The following COG5 variants were observed in gnomAD, a reference collection of about 807,000 sequenced individuals.
The protein encoded by COG5 is conserved oligomeric Golgi complex subunit 5.
Under a neutral mutation model 110.4 loss-of-function variants are expected in COG5, and 86 were observed. That is an observed-to-expected ratio of 0.78 (90% CI 0.65 to 0.93). COG5 has a LOEUF of 0.93. Among genes scored for constraint, COG5 ranks in the 40% least tolerant of loss-of-function variants. The pLI is 0.00. For synonymous variants in COG5, 360 were observed against 334.6 expected (o/e 1.08, Z -0.83); for missense variants, 1,077 against 987.0 (o/e 1.09, Z -1.22).
chr7:107,256,898 C>A, intron 15 of COG5, 104 bp from the exon 16 acceptor site: 3 of 753,606 alleles, frequency 4.0e-6, no homozygotes, highest in South Asian at 1.5e-5. Context: ...AGTATATATA[C>A]AATATTATCA....
intron 5 of COG5, among the ~76,000 whole-genome samples, chr7:107,540,985 TA>T (rs1282053923): frequency 6.6e-6 from 1 of 152,020 alleles, no homozygotes; most frequent in East Asian, 1.9e-4. Context: ...ACCCCATCTC[TA>T]CTCAAAATAC....
intron 11 of COG5, among the ~76,000 whole-genome samples, chr7:107,307,412 T>A (rs1189680021): frequency 6.6e-6 from 1 of 152,212 alleles, no homozygotes; most frequent in African/African-American, 2.4e-5. Flanking sequence ...ACTGTTTTTA[T>A]AGGTTTCAAA....
intron 17 of COG5, among the ~76,000 whole-genome samples, chr7:107,239,570 T>C (rs1162243059): frequency 6.6e-6 from 1 of 152,206 alleles, no homozygotes; most frequent in Non-Finnish European, 1.5e-5. Flanking sequence ...CAATATTCTT[T>C]CAATTCATGA....
At chr7:107,288,799 CATTT>C (rs942048044) in intron 12 of COG5, among the ~76,000 whole-genome samples, 47 of 150,682 alleles carry the variant, frequency 3.1e-4, no homozygotes, top group African/African-American at 8.3e-4. Flanking sequence ...TCCAAAATAT[CATTT>C]AAATATAATT....
chr7:107,461,698 G>A (rs1332244840), intron 6 of COG5, among the ~76,000 whole-genome samples: 5 of 152,104 alleles, frequency 3.3e-5, no homozygotes, highest in Non-Finnish European at 7.4e-5. Flanking sequence ...AAATGAGTTT[G>A]GCAAAATCAT....
At chr7:107,345,598 ATTTCAGTT>A (rs1294625690) in intron 10 of COG5, among the ~76,000 whole-genome samples, 2 of 152,146 alleles carry the variant, frequency 1.3e-5, no homozygotes, top group African/African-American at 4.8e-5. Flanking sequence ...TGGATACAGA[ATTTCAGTT>A]TTGTAAGATG....
chr7:107,557,664 A>G (rs1803423389), intron 2 of COG5, among the ~76,000 whole-genome samples: 1 of 152,204 alleles, frequency 6.6e-6, no homozygotes, highest in Admixed American at 6.5e-5. Context: ...ATATTGTTTT[A>G]CTTCCAAAAT....
At chr7:107,238,121 AACTTTGT>A (rs1389902704) in intron 17 of COG5, among the ~76,000 whole-genome samples, 1 of 152,116 alleles carries the variant, frequency 6.6e-6, no homozygotes, top group Admixed American at 6.5e-5. Context: ...TCCTAACTGC[AACTTTGT>A]ACCCTTTGAC....
At chr7:107,462,718 G>A (rs2129102087) in intron 6 of COG5, among the ~76,000 whole-genome samples, 1 of 151,810 alleles carries the variant, frequency 6.6e-6, no homozygotes, top group Non-Finnish European at 1.5e-5. Context: ...CCAAAAACCA[G>A]GACACAATGA....
At chr7:107,283,924 T>A (rs969275960) in intron 12 of COG5, among the ~76,000 whole-genome samples, 192 bp from the exon 13 acceptor site, 1 of 150,924 alleles carries the variant, frequency 6.6e-6, no homozygotes. Context: ...TTCAGGACCA[T>A]AGTAACCTTT....
Position 107,475,447 on chromosome 7 carries a change from A to T in COG5, c.538+51790T>A. 4.7e-6 allele frequency: 3 copies of T among 640,342 alleles called. No homozygotes were observed. In the South Asian group the frequency reaches 7.4e-5, roughly 16 times the overall value. The allele number at this position is 640,342 out of a possible 1,614,324, so 39.7% of individuals were successfully genotyped here. ...AACTGATATTACTGCCAAATATAAG[A>T]AAAATATTTTAAGTATTGGTTATGT... On this transcript the variant is annotated intron_variant, in intron 6 of 21. Transcript: ENST00000297135.
intron 8 of COG5, among the ~76,000 whole-genome samples, chr7:107,363,510 T>C (rs931386407): frequency 6.6e-6 from 1 of 151,996 alleles, no homozygotes; most frequent in African/African-American, 2.4e-5. Context: ...GAAACTCAAA[T>C]GTTTAAAAAG....
At chr7:107,348,125 C>CAAAAAAAA (rs34140927) in intron 10 of COG5, among the ~76,000 whole-genome samples, 1 of 51,240 alleles carries the variant, frequency 2.0e-5, no homozygotes, top group Admixed American at 2.8e-4. Context: ...GACTCCATCT[C>CAAAAAAAA]AAAAAAAAAA....
At position 107,202,208 on chromosome 7, in the gene COG5, C is replaced by T. The variant is rs2116061324; in HGVS notation, c.*1308G>A. ...ACTTCGTGTTCTGTATCTCCTCAGC[C>T]ATGTATCTTAAATATATTTTGTCAT... is the stretch of plus-strand genomic sequence containing the variant. On this transcript the variant is annotated 3_prime_UTR_variant, in exon 22 of 22. Coordinates refer to ENST00000297135, the MANE Select transcript of COG5 (RefSeq NM_006348.5). 1 of 152,626 alleles carries T rather than the reference C, an allele frequency of 6.6e-6. No individual in the cohort carries two copies. The highest frequency in any genetic ancestry group is 2.1e-4 in the South Asian group (1 of 4,806). The allele number at this position is 152,626 out of a possible 1,614,324, so 9.5% of individuals were successfully genotyped here.
chr7:107,329,625 C>A (rs533012869), intron 10 of COG5, among the ~76,000 whole-genome samples: 44 of 152,254 alleles, frequency 2.9e-4, no homozygotes, highest in African/African-American at 1.0e-3. Context: ...TGTGCAGTGG[C>A]TCATACCTGT....
At chr7:107,318,271 C>T (rs1473618177) in intron 11 of COG5, among the ~76,000 whole-genome samples, 3 of 152,062 alleles carry the variant, frequency 2.0e-5, no homozygotes, top group Non-Finnish European at 4.4e-5. Flanking sequence ...TATGATCTGC[C>T]CACCTTGGCC....
At chr7:107,384,234 CCT>C (rs755520706) in intron 7 of COG5, among the ~76,000 whole-genome samples, 2 of 152,118 alleles carry the variant, frequency 1.3e-5, no homozygotes, top group Non-Finnish European at 2.9e-5. Flanking sequence ...AATAGCGCCC[CCT>C]GTCAGCAAGA....
At chr7:107,408,229 C>A (rs985764933) in intron 7 of COG5, among the ~76,000 whole-genome samples, 3 of 152,180 alleles carry the variant, frequency 2.0e-5, no homozygotes, top group African/African-American at 7.2e-5. Context: ...TGTTTTCCTG[C>A]CTCAACAGCA....
chr7:107,344,293 G>GT (rs1811415253), intron 10 of COG5, among the ~76,000 whole-genome samples: 1 of 152,160 alleles, frequency 6.6e-6, no homozygotes. Context: ...GCTTCACGTT[G>GT]TATTTTTATG....
Sources: gnomAD v4.1 joint callset for allele counts (sites outside exome capture counted in the v4.1 genomes callset) on GRCh38, gnomAD v4.1.1 for gene constraint, MANE v1.5 for transcripts, NCBI Gene and HGNC (gene_info 2026-07-23, HGNC 2026-07-21) for gene names.